The following FHIT variants were observed in gnomAD, a reference collection of about 807,000 sequenced individuals.
FHIT encodes the protein fragile histidine triad diadenosine triphosphatase, also known as bis(5'-adenosyl)-triphosphatase.
FHIT carries 19 observed loss-of-function variants against 17.9 expected under a neutral mutation model. The ratio of observed to expected loss-of-function variants is 1.06; its 90% CI spans 0.74 to 1.56. The LOEUF is 1.56. FHIT is among the 40% of genes most tolerant of loss of function. The pLI is 0.00. For synonymous variants in FHIT, 81 were observed against 69.7 expected (o/e 1.16, Z -0.81); for missense variants, 248 against 189.2 (o/e 1.31, Z -1.82).
rs77899349 is a variant in FHIT at position 60,250,561 on chromosome 3, T to C, written c.104-236409A>G. Among the ~76,000 whole-genome samples, 21 of 152,252 alleles carry C rather than the reference T, an allele frequency of 1.4e-4. No individual in the cohort carries two copies. The East Asian group carries it at 3.7e-3, about 27-fold the overall frequency. ...TCTCACCAGCGGGTATTGATATAAT[T>C]AGGGTCAATTACAATTTAGAATTTC... is the stretch of plus-strand genomic sequence containing the variant. On this transcript the variant is annotated intron_variant, in intron 5 of 9. Transcript: ENST00000492590.
intron 3 of FHIT, among the ~76,000 whole-genome samples, chr3:60,964,374 G>T (rs1368239621): frequency 6.6e-6 from 1 of 151,994 alleles, no homozygotes; most frequent in African/African-American, 2.4e-5. Context: ...GATGGGTCTT[G>T]ACTCTTTATC....
intron 5 of FHIT, among the ~76,000 whole-genome samples, chr3:60,505,228 C>T (rs11719292): frequency 0.23 from 35,120 of 152,056 alleles, 4,703 homozygotes; most frequent in Non-Finnish European, 0.3. Flanking sequence ...AGACTGGTTC[C>T]AGGCCTCTGC....
chr3:60,677,236 G>A (rs781919406), intron 4 of FHIT, among the ~76,000 whole-genome samples: 9 of 152,038 alleles, frequency 5.9e-5, no homozygotes, highest in Non-Finnish European at 8.8e-5. Context: ...TGGATATACC[G>A]CATAGTGGTC....
intron 2 of FHIT, among the ~76,000 whole-genome samples, chr3:61,060,504 C>G (rs2034389393): frequency 6.6e-6 from 1 of 152,224 alleles, no homozygotes; most frequent in South Asian, 2.1e-4. Flanking sequence ...GAGGGAAACT[C>G]CCCTAAGCTG....
Position 61,168,797 on chromosome 3 carries a change from C to A in FHIT, c.-164+31820G>T, listed in dbSNP as rs142119955. Reference sequence around the variant, plus strand: ...ATTCTTACAAACAACCTGATCTGGGCGGATAGTTAACTCACACCATGAAGC... The same window carrying A: ...ATTCTTACAAACAACCTGATCTGGGAGGATAGTTAACTCACACCATGAAGC... On this transcript the variant is annotated intron_variant, in intron 2 of 9. Transcript: ENST00000492590. Among the ~76,000 whole-genome samples, 1,380 of 152,294 alleles carry A rather than the reference C, an allele frequency of 9.1e-3. 10 individuals are homozygous for A. Among genetic ancestry groups the A allele is most frequent in the South Asian group, 0.04 (193 of 4,820 alleles).
chr3:60,745,502 G>A (rs533597905), intron 4 of FHIT, among the ~76,000 whole-genome samples: 8 of 152,222 alleles, frequency 5.3e-5, no homozygotes, highest in Non-Finnish European at 1.2e-4. Context: ...GTTTAAGCAG[G>A]GTATAATGGT....
intron 8 of FHIT, among the ~76,000 whole-genome samples, chr3:59,894,504 CTGTG>C (rs1167578822): frequency 1.9e-4 from 29 of 152,172 alleles, no homozygotes; most frequent in African/African-American, 5.8e-4. Flanking sequence ...ATCAGGCTAT[CTGTG>C]TTTCAGAATC....
chr3:61,213,716 C>T (rs1015361148), intron 1 of FHIT, among the ~76,000 whole-genome samples: 9 of 152,096 alleles, frequency 5.9e-5, no homozygotes, highest in Admixed American at 1.3e-4. Flanking sequence ...TTTTTCAGCA[C>T]CACACCACAC....
At chr3:60,614,733 G>A (rs976761025) in intron 4 of FHIT, among the ~76,000 whole-genome samples, 1 of 151,548 alleles carries the variant, frequency 6.6e-6, no homozygotes, top group Non-Finnish European at 1.5e-5. Flanking sequence ...GGACCTGAAG[G>A]TGAACCCCAT....
At chr3:60,358,926 G>A (rs1699784716) in intron 5 of FHIT, among the ~76,000 whole-genome samples, 1 of 152,190 alleles carries the variant, frequency 6.6e-6, no homozygotes. Flanking sequence ...TGTTGTAAAT[G>A]CTCAATAAAT....
At chr3:60,063,011 T>C (rs1435618682) in intron 5 of FHIT, among the ~76,000 whole-genome samples, 1 of 152,066 alleles carries the variant, frequency 6.6e-6, no homozygotes, top group Non-Finnish European at 1.5e-5. Flanking sequence ...CTTCACAATA[T>C]CTCCCAGTTC....
At chr3:60,728,546 A>G (rs782074432) in intron 4 of FHIT, among the ~76,000 whole-genome samples, 1 of 151,584 alleles carries the variant, frequency 6.6e-6, no homozygotes, top group Non-Finnish European at 1.5e-5. Flanking sequence ...ATTAAATTCT[A>G]CCTCGCAGTT....
intron 5 of FHIT, among the ~76,000 whole-genome samples, chr3:60,353,226 G>C (rs947752557): frequency 1.1e-4 from 17 of 152,008 alleles, no homozygotes; most frequent in Non-Finnish European, 2.5e-4. Context: ...ATCCTCCACT[G>C]CTTCTCTAAC....
intron 7 of FHIT, among the ~76,000 whole-genome samples, chr3:60,009,057 T>C (rs968459513): frequency 6.6e-6 from 1 of 152,188 alleles, no homozygotes; most frequent in African/African-American, 2.4e-5. Context: ...TTAATTTTCA[T>C]GCAGGTGATA....
At chr3:61,004,975 C>T (rs2031344331) in intron 3 of FHIT, among the ~76,000 whole-genome samples, 1 of 152,028 alleles carries the variant, frequency 6.6e-6, no homozygotes, top group South Asian at 2.1e-4. Context: ...TTATCTATGC[C>T]TCCCACCATT....
At chr3:60,329,370 T>C (rs1359075116) in intron 5 of FHIT, among the ~76,000 whole-genome samples, 2 of 152,212 alleles carry the variant, frequency 1.3e-5, no homozygotes, top group South Asian at 2.1e-4. Flanking sequence ...TAGAGACCCC[T>C]GGCAATCTGA....
At chr3:61,019,683 C>A (rs796667773) in intron 3 of FHIT, among the ~76,000 whole-genome samples, 1 of 152,082 alleles carries the variant, frequency 6.6e-6, no homozygotes, top group Non-Finnish European at 1.5e-5. Flanking sequence ...AACACAGATT[C>A]TTTTCTCTAT....
chr3:59,850,862 G>T (rs142534414), intron 8 of FHIT, among the ~76,000 whole-genome samples: 2 of 152,180 alleles, frequency 1.3e-5, no homozygotes, highest in East Asian at 3.9e-4. Context: ...GGTAGAGGTG[G>T]TGATCCTGGC....
chr3:60,133,153 T>C (rs997080305), intron 5 of FHIT, among the ~76,000 whole-genome samples: 2 of 152,036 alleles, frequency 1.3e-5, no homozygotes, highest in Non-Finnish European at 1.5e-5. Context: ...TCTTAAAACC[T>C]TAGGCTGGAC....
Sources: allele counts gnomAD v4.1 joint callset (sites outside exome capture counted in the v4.1 genomes callset), GRCh38; gene constraint gnomAD v4.1.1; transcripts MANE v1.5; gene names NCBI Gene and HGNC (gene_info 2026-07-23, HGNC 2026-07-21).